The following GBF1 variants were observed in gnomAD, a reference collection of about 807,000 sequenced individuals.
GBF1 encodes golgi brefeldin A resistant guanine nucleotide exchange factor 1, also known as Golgi-specific brefeldin A-resistance guanine nucleotide exchange factor 1.
A neutral mutation model predicts 210.5 loss-of-function variants in GBF1; 114 were observed. The ratio of observed to expected loss-of-function variants is 0.54; its 90% CI spans 0.47 to 0.63. The LOEUF (loss-of-function observed/expected upper bound fraction) is 0.63. Among genes scored for constraint, GBF1 ranks in the 30% least tolerant of loss-of-function variants. GBF1 has a pLI of 0.00. For missense variants in GBF1, 1,851 were observed against 2,357.7 expected, an observed-to-expected ratio of 0.79 and a Z score of 4.45; for synonymous variants, 850 against 889.2, an observed-to-expected ratio of 0.96 and a Z score of 0.78.
Position 102,365,566 on chromosome 10 carries a change from G to T in GBF1, c.2276G>T (p.Arg759Leu). 6.2e-7 allele frequency: 1 copy of T among 1,614,086 alleles called. No homozygotes were observed. The highest frequency in any genetic ancestry group is 8.5e-7 in the Non-Finnish European group (1 of 1,179,976). The change falls in exon 18 of 40, where the codon CGC (arginine) becomes CTC (leucine). Residue 759 changes from arginine (R) to leucine (L), a missense_variant. Physicochemically the swap from Arg to Leu is moderately radical, Grantham distance 102. Coordinates refer to ENST00000369983, the MANE Select transcript of GBF1 (RefSeq NM_001377137.1). ...KKMIGEFVSDRKNIDLLESFV... is the reference protein window; with the variant it reads ...KKMIGEFVSDLKNIDLLESFV... ...ATGATTGGAGAGTTTGTGAGTGACC[G>T]CAAAAACATTGACCTGTTGGAGAGC...
chr10:102,258,899 A>G (rs200063596), intron 1 of GBF1, 30 bp from the exon 2 acceptor site: 1 of 1,143,550 alleles, frequency 8.7e-7, no homozygotes. Flanking sequence ...CCAAATATTA[A>G]CCAGACTATT....
chr10:102,325,131 TAA>T (rs1332360793), intron 3 of GBF1, among the ~76,000 whole-genome samples: 3 of 152,216 alleles, frequency 2.0e-5, no homozygotes, highest in Non-Finnish European at 4.4e-5. Context: ...AGCTTTTCAC[TAA>T]AGTTTGTTGC....
Position 102,366,396 on chromosome 10 carries a change from C to T in GBF1, c.2323C>T (p.Gln775Ter). ...LESFVSTFSF[Q>*]GLRLDEALRL... ...CTTTCCCTATAGCACCTTCAGTTTT[C>T]AGGGTCTGCGACTGGACGAAGCCCT... Residue 775 changes from glutamine to a stop codon, truncating the protein, a stop_gained, in exon 19 of 40, where the codon CAG (glutamine) becomes TAG (stop). Coordinates refer to ENST00000369983, the MANE Select transcript of GBF1 (RefSeq NM_001377137.1). LOFTEE classifies it high-confidence loss of function. This position sits in a 1 kb window ranked among gnomAD's most constrained non-coding sequence, Gnocchi z 4.0. The T allele has an allele frequency of 6.2e-7, 1 of 1,614,036 alleles. No homozygotes were observed. The highest frequency in any genetic ancestry group is 8.5e-7 in the Non-Finnish European group (1 of 1,179,948).
chr10:102,381,953 A>G, intron 39 of GBF1, 103 bp from the exon 40 acceptor site: 1 of 1,001,914 alleles, frequency 1.0e-6, no homozygotes, highest in South Asian at 1.9e-5. Flanking sequence ...TGCTTACTGG[A>G]ACAAGGAGGA....
chr10:102,352,429 A>T, intron 6 of GBF1, 29 bp from the exon 7 acceptor site: 2 of 1,481,860 alleles, frequency 1.3e-6, no homozygotes, highest in Non-Finnish European at 1.9e-6. Flanking sequence ...AAGTAATGAC[A>T]CCTGTGTTAT....
intron 30 of GBF1, 30 bp downstream of exon 30, chr10:102,375,614 G>T: frequency 6.9e-7 from 1 of 1,445,284 alleles, no homozygotes. Context: ...GACTCAGGCT[G>T]GCAGATAAAC....
chr10:102,308,072 G>A (rs2078070848), intron 3 of GBF1, among the ~76,000 whole-genome samples: 1 of 152,048 alleles, frequency 6.6e-6, no homozygotes, highest in Admixed American at 6.6e-5. Context: ...AAATTGGAAA[G>A]CTGGCTGCAT....
At chr10:102,312,198 C>G (rs1443664287) in intron 3 of GBF1, among the ~76,000 whole-genome samples, 1 of 150,862 alleles carries the variant, frequency 6.6e-6, no homozygotes, top group Non-Finnish European at 1.5e-5. Flanking sequence ...GAGGCCGAGG[C>G]GGGAGAATGG....
At chr10:102,255,033 C>A (rs935638943) in intron 1 of GBF1, among the ~76,000 whole-genome samples, 4 of 152,062 alleles carry the variant, frequency 2.6e-5, no homozygotes, top group Non-Finnish European at 4.4e-5. Context: ...AATTCCTCTT[C>A]ATTCCCTAGA....
At chr10:102,255,277 G>A (rs1271886015) in intron 1 of GBF1, among the ~76,000 whole-genome samples, 2 of 152,104 alleles carry the variant, frequency 1.3e-5, no homozygotes, top group Admixed American at 1.3e-4. Context: ...CCAACCTCAG[G>A]TGATCTGCCC....
At chr10:102,305,905 A>G (rs1418028182) in intron 3 of GBF1, among the ~76,000 whole-genome samples, 1 of 152,166 alleles carries the variant, frequency 6.6e-6, no homozygotes, top group Non-Finnish European at 1.5e-5. Flanking sequence ...GTGAAGGGTA[A>G]AAGGAGAGCA....
intron 3 of GBF1, among the ~76,000 whole-genome samples, chr10:102,277,368 G>A (rs2075079945): frequency 6.6e-6 from 1 of 150,896 alleles, no homozygotes; most frequent in Non-Finnish European, 1.5e-5. Context: ...TAAATCATTT[G>A]AGAGTAGGTT....
intron 3 of GBF1, among the ~76,000 whole-genome samples, chr10:102,285,823 TTGAC>T (rs990921023): frequency 2.2e-4 from 33 of 152,302 alleles, no homozygotes; most frequent in African/African-American, 7.2e-4. Context: ...TTTTTTTTCT[TTGAC>T]TGTTTTCTCC....
At chr10:102,345,635 A>G (rs1589718246) in intron 4 of GBF1, among the ~76,000 whole-genome samples, 1 of 136,276 alleles carries the variant, frequency 7.3e-6, no homozygotes, top group Non-Finnish European at 1.6e-5. Flanking sequence ...TGACAGAGCA[A>G]GACTCCGTCT....
intron 1 of GBF1, among the ~76,000 whole-genome samples, chr10:102,252,462 T>A (rs2071683035): frequency 6.6e-6 from 1 of 152,190 alleles, no homozygotes; most frequent in Non-Finnish European, 1.5e-5. Context: ...TAAGGGTTTA[T>A]CAGGTGGACA....
At chr10:102,256,151 C>A (rs2072332044) in intron 1 of GBF1, among the ~76,000 whole-genome samples, 2 of 151,980 alleles carry the variant, frequency 1.3e-5, no homozygotes. Flanking sequence ...CGCCATGTTG[C>A]CAAGGCTGGT....
intron 24 of GBF1, 31 bp from the exon 25 acceptor site, chr10:102,369,680 G>A (rs768453273): frequency 5.8e-5 from 93 of 1,603,794 alleles, no homozygotes; most frequent in Non-Finnish European, 7.7e-5. Context: ...AAGGACACAT[G>A]GAAAGAAATT....
rs1304212789 is a variant in GBF1 at position 102,345,445 on chromosome 10, G to A, written c.295+1263G>A. Among the ~76,000 whole-genome samples the A allele has an allele frequency of 3.3e-5, 5 of 151,466 alleles. No individual in the cohort carries two copies. The South Asian group carries it at 1.0e-3, about 32-fold the overall frequency. The stretch of plus-strand genomic sequence containing the variant: ...AGGCGGACGGATCATGAGGTCAGGA[G>A]TTTGAGACCAGCCTAACATGGTGAA... On this transcript the variant is annotated intron_variant, in intron 4 of 39. Coordinates refer to ENST00000369983, the MANE Select transcript of GBF1 (RefSeq NM_001377137.1).
rs189695530 is a variant in GBF1 at position 102,350,981 on chromosome 10, G to A, written c.296-275G>A. Among the ~76,000 whole-genome samples the A allele has an allele frequency of 1.8e-3, 270 of 152,002 alleles. 2 individuals are homozygous for A. Among genetic ancestry groups the A allele is most frequent in the Middle Eastern group, 3.4e-3 (1 of 294 alleles). On this transcript the variant is annotated intron_variant, in intron 4 of 39. Coordinates refer to ENST00000369983, the MANE Select transcript of GBF1 (RefSeq NM_001377137.1). The stretch of plus-strand genomic sequence containing the variant: ...GGGCGCCTGTAATGCCAGCTACTCG[G>A]GAGGCTAAGGCAGGAAAATCGCTTG...
Sources: gnomAD v4.1 joint callset for allele counts (sites outside exome capture counted in the v4.1 genomes callset) on GRCh38, gnomAD v4.1.1 for gene constraint, Gnocchi (gnomAD v3.1) non-coding constraint, MANE v1.5 for transcripts, NCBI Gene and HGNC (gene_info 2026-07-23, HGNC 2026-07-21) for gene names.